AGBL5: variants seen among roughly 807,000 people sequenced by gnomAD.
The protein encoded by AGBL5 is AGBL carboxypeptidase 5.
A neutral mutation model predicts 88.0 loss-of-function variants in AGBL5; 51 were observed. The ratio of observed to expected loss-of-function variants is 0.58; its 90% CI spans 0.46 to 0.73. The LOEUF (loss-of-function observed/expected upper bound fraction) is 0.73, where lower values mean the gene tolerates loss of function less well. AGBL5 is among the 30% of genes least tolerant of loss of function. AGBL5 has a pLI of 0.00. For synonymous variants in AGBL5, 446 were observed against 438.8 expected, an observed-to-expected ratio of 1.02 and a Z score of -0.21; for missense variants, 1,031 against 1,162.2, an observed-to-expected ratio of 0.89 and a Z score of 1.64.
Position 27,053,815 on chromosome 2 carries a change from G to C in AGBL5, c.388-81G>C. 1 of 1,519,372 alleles carries C rather than the reference G, an allele frequency of 6.6e-7. No individual in the cohort carries two copies. The highest frequency in any genetic ancestry group is 1.4e-5 in the African/African-American group (1 of 72,326). 94.1% of individuals were successfully genotyped at this position (1,519,372 alleles called of 1,614,324 possible). A position where few individuals can be genotyped will look rare whatever the true frequency, so the allele number is the denominator to read the frequency against. On this transcript the variant is annotated intron_variant, in intron 3 of 14. Transcript: ENST00000360131. This position sits in a 1 kb window ranked among gnomAD's most constrained non-coding sequence, Gnocchi z 4.9. ...GTTGGTAAAGGTGATAAGGGTGTGA[G>C]GTCAGTTCCTGGTGGTCCCAGTAGG... is the stretch of plus-strand genomic sequence containing the variant.
At position 27,055,213 on chromosome 2, in the gene AGBL5, C is replaced by G; in HGVS notation, c.868C>G (p.Pro290Ala). The G allele has an allele frequency of 6.2e-7, 1 of 1,614,216 alleles. No homozygotes were observed. Among genetic ancestry groups the G allele is most frequent in the Non-Finnish European group, 8.5e-7 (1 of 1,180,040 alleles). ...LRRLFVFKLI[P>A]MLNPDGVVRG... ...TCGCCTCTTCGTCTTTAAGCTGATT[C>G]CCATGTTGAACCCCGATGGTGTGGT... is the stretch of plus-strand genomic sequence containing the variant. The change falls in exon 6 of 15, where the codon CCC (proline) becomes GCC (alanine). Residue 290 changes from proline (P) to alanine (A), a missense_variant. Coordinates refer to ENST00000360131, the MANE Select transcript of AGBL5 (RefSeq NM_021831.6).
rs748856692 is a variant in AGBL5, at chr2:27,069,683, G to A, written c.2466G>A (p.Leu822=). Residue 822 remains leucine (L), a synonymous_variant, in exon 14 of 15, where the codon CTG becomes CTA. Transcript: ENST00000360131. ...PRTRESSELE[L]GSCSATPGLP... is the part of the protein sequence containing the mutation. ...CCAGGGAGAGCAGTGAGCTGGAGCT[G>A]GGATCCTGCTCTGCTACACCAGGGT... 1 of 1,614,090 alleles carries A rather than the reference G, an allele frequency of 6.2e-7. No homozygotes were observed. The highest frequency in any genetic ancestry group is 1.7e-5 in the Admixed American group (1 of 60,022).
At chr2:27,068,601 C>T in intron 12 of AGBL5, 31 bp from the exon 13 acceptor site, 1 of 1,604,478 alleles carries the variant, frequency 6.2e-7, no homozygotes, top group Non-Finnish European at 8.5e-7. Context: ...CTCTGTGACC[C>T]CTACCCTGAT....
At position 27,059,604 on chromosome 2, in the gene AGBL5, G is replaced by A. The variant is rs1572823879; in HGVS notation, c.2089+200G>A. ...TCCAGAGCGGTATTGTGTGTGGCCA[G>A]AGGGGGAAGTCTGGGTATCTGGGCT... On this transcript the variant is annotated intron_variant, in intron 11 of 14. Coordinates refer to ENST00000360131, the MANE Select transcript of AGBL5 (RefSeq NM_021831.6). 5 of 1,301,354 alleles carry A rather than the reference G, an allele frequency of 3.8e-6. No homozygotes were observed. The East Asian group carries it at 7.2e-5, about 19-fold the overall frequency. The allele number at this position is 1,301,354 out of a possible 1,614,324, so 80.6% of individuals were successfully genotyped here. A position where few individuals can be genotyped will look rare whatever the true frequency, so the allele number is the denominator to read the frequency against.
upstream of AGBL5, among the ~76,000 whole-genome samples, chr2:27,050,842 G>T (rs528950136): frequency 6.6e-6 from 1 of 152,210 alleles, no homozygotes; most frequent in Non-Finnish European, 1.5e-5. Flanking sequence ...GCAATCCTTA[G>T]GTCGCTGGTT....
At chr2:27,052,578 CCTCT>C (rs1421234439) in intron 1 of AGBL5, 1 of 158,660 alleles carries the variant, frequency 6.3e-6, no homozygotes, top group African/African-American at 2.4e-5. Flanking sequence ...GAAAATCTGA[CCTCT>C]CTGATTATAT....
Position 27,056,614 on chromosome 2 carries a change from C to G in AGBL5, c.1366-9C>G. On this transcript the variant is annotated splice_polypyrimidine_tract_variant and intron_variant, in intron 7 of 14. Transcript: ENST00000360131. ...TCTCCTTCTGAGTTGACTTTTCTTC[C>G]CCAAACAGGTGGAAAACATGCTATA... 1.9e-6 allele frequency: 3 copies of G among 1,588,080 alleles called. No individual in the cohort carries two copies. The highest frequency in any genetic ancestry group is 2.6e-6 in the Non-Finnish European group (3 of 1,162,644).
chr2:27,068,585 C>A, intron 12 of AGBL5, 47 bp from the exon 13 acceptor site: 1 of 1,552,950 alleles, frequency 6.4e-7, no homozygotes, highest in Non-Finnish European at 8.8e-7. Context: ...GAAGTTACCT[C>A]CTCTTCTCTG....
In AGBL5 at chr2:27,069,565, C is replaced by A; in HGVS notation, c.2356-8C>A. On this transcript the variant is annotated splice_polypyrimidine_tract_variant and splice_region_variant and intron_variant, in intron 13 of 14. Transcript: ENST00000360131. The stretch of plus-strand genomic sequence containing the variant: ...TCCAGCCTCTTAGCGCAAACCCTGT[C>A]CACACAGGCTAGGCCCAGGTTGGGC... 1 of 1,612,340 alleles carries A rather than the reference C, an allele frequency of 6.2e-7. No homozygotes were observed. Among genetic ancestry groups the A allele is most frequent in the South Asian group, 1.1e-5 (1 of 91,026 alleles).
rs1433176317 is a variant in AGBL5, at chr2:27,056,022, CCT to C, written c.1250_1251del (p.Pro417ArgfsTer33). ...QQSAGLEESA[P>X]DTIPPKESGV... ...GTCTGCGGGGCTTGAAGAGTCAGCC[CCT>C]GATACCATCCCCCCCAAAGAGAGTG... On this transcript the variant is annotated frameshift_variant, in exon 7 of 15. Transcript: ENST00000360131. LOFTEE classifies it high-confidence loss of function. The C allele has an allele frequency of 6.2e-6, 10 of 1,614,200 alleles. No homozygotes were observed. The highest frequency in any genetic ancestry group is 1.7e-5 in the Admixed American group (1 of 60,026).
chr2:27,050,755 T>C (rs1029491305), upstream of AGBL5, among the ~76,000 whole-genome samples: 1 of 152,162 alleles, frequency 6.6e-6, no homozygotes, highest in African/African-American at 2.4e-5. Flanking sequence ...ATTAGAGGGC[T>C]ATCAGCAGCA....
chr2:27,050,899 A>T (rs1356788584), upstream of AGBL5: 1 of 152,160 alleles, frequency 6.6e-6, no homozygotes, highest in Non-Finnish European at 1.5e-5. Flanking sequence ...ACCTCAATTT[A>T]ATTCAATTAT....
intron 13 of AGBL5, chr2:27,068,968 G>A: frequency 6.7e-7 from 1 of 1,486,214 alleles, no homozygotes; most frequent in Non-Finnish European, 9.0e-7. Flanking sequence ...CTGTGTCCCT[G>A]CCAGATATAC....
chr2:27,063,835 T>TA (rs1668839817), intron 11 of AGBL5, among the ~76,000 whole-genome samples: 2 of 152,160 alleles, frequency 1.3e-5, no homozygotes, highest in South Asian at 4.1e-4. Flanking sequence ...TCAGACCTCT[T>TA]AGACCTTTGC....
At chr2:27,064,091 G>T (rs1471636354) in intron 11 of AGBL5, among the ~76,000 whole-genome samples, 1 of 152,024 alleles carries the variant, frequency 6.6e-6, no homozygotes, top group African/African-American at 2.4e-5. Context: ...CATGATTTCT[G>T]CCTACTGTGC....
rs1162816988 is a variant in AGBL5, at chr2:27,053,387, T to TA, written c.216-14dup. ...CTTCCACACGTAATGACCTCTCTCTTACTCTGGTCCTCAGGTCATGGTTCT... is the reference window on the plus strand; with the variant it reads ...CTTCCACACGTAATGACCTCTCTCTTAACTCTGGTCCTCAGGTCATGGTTCT... On this transcript the variant is annotated splice_polypyrimidine_tract_variant and intron_variant, in intron 2 of 14. Transcript: ENST00000360131. The surrounding 1 kb of genome is among the most constrained non-coding windows in gnomAD (Gnocchi z 4.9). 9 of 1,613,258 alleles carry TA rather than the reference T, an allele frequency of 5.6e-6. No individual in the cohort carries two copies. In the Admixed American group the frequency reaches 6.7e-5, roughly 12 times the overall value.
upstream of AGBL5, among the ~76,000 whole-genome samples, chr2:27,051,261 A>G (rs570000220): frequency 2.6e-5 from 4 of 152,236 alleles, no homozygotes; most frequent in Non-Finnish European, 5.9e-5. Context: ...TGCGAGAGGT[A>G]GCGGGATCGA....
At chr2:27,069,214 A>G in intron 13 of AGBL5, 1 of 1,351,626 alleles carries the variant, frequency 7.4e-7, no homozygotes, top group Non-Finnish European at 9.7e-7. Flanking sequence ...TGAAGTGTAC[A>G]CTGCTCTGGC....
At chr2:27,051,175 T>C (rs1330733853), upstream of AGBL5, 1 of 152,196 alleles carries the variant, frequency 6.6e-6, no homozygotes, top group Non-Finnish European at 1.5e-5. Context: ...AACAGTGCAG[T>C]GAACCTGTAA....
Sources: gnomAD v4.1 joint callset for allele counts (sites outside exome capture counted in the v4.1 genomes callset) on GRCh38, gnomAD v4.1.1 for gene constraint, Gnocchi (gnomAD v3.1) non-coding constraint, MANE v1.5 for transcripts, NCBI Gene and HGNC (gene_info 2026-07-23, HGNC 2026-07-21) for gene names.